The following CYBB variants were observed in gnomAD, a reference collection of about 807,000 sequenced individuals.
CYBB encodes NADPH oxidase 2.
CYBB carries 5 observed loss-of-function variants against 46.5 expected under a neutral mutation model. That is an observed-to-expected ratio of 0.11 (90% CI 0.06 to 0.23). CYBB has a LOEUF of 0.23. CYBB is among the 10% of genes least tolerant of loss of function. CYBB has a pLI of 1.00. For missense variants in CYBB, 307 were observed against 428.3 expected, an observed-to-expected ratio of 0.72 and a Z score of 2.50; for synonymous variants, 183 against 156.7, an observed-to-expected ratio of 1.17 and a Z score of -1.26.
intron 11 of CYBB, among the ~76,000 whole-genome samples, chrX:37,807,483 T>G (rs1556472086): frequency 1.8e-5 from 2 of 110,352 alleles, no homozygotes; most frequent in African/African-American, 6.6e-5. Flanking sequence ...TTCTTATGTA[T>G]CTAGTCACAT....
intron 9 of CYBB, 58 bp from the exon 10 acceptor site, chrX:37,804,948 C>A (rs942949895): frequency 6.3e-6 from 7 of 1,105,199 alleles, no homozygotes; most frequent in Non-Finnish European, 8.7e-6. Context: ...ATGGGTGCCC[C>A]ATCTCACTCT....
At chrX:37,783,424 G>A in intron 2 of CYBB, 66 bp from the exon 3 acceptor site, 1 of 707,566 alleles carries the variant, frequency 1.4e-6, no homozygotes, top group Non-Finnish European at 2.3e-6. Flanking sequence ...GAACCTTGGG[G>A]AAGTGGGGAC....
In CYBB at chrX:37,812,795, T is replaced by C. The variant is rs1302865275; in HGVS notation, c.*1878T>C. ...TTCTGAAATGTACCAGGATGGTTTC[T>C]GCTTAGAGACACTTAGGTCCAGCCT... On this transcript the variant is annotated 3_prime_UTR_variant, in exon 13 of 13. Coordinates refer to ENST00000378588, the MANE Select transcript of CYBB (RefSeq NM_000397.4). 8.9e-6 allele frequency: 1 copy of C among 112,207 alleles called. No individual in the cohort carries two copies. Among genetic ancestry groups the C allele is most frequent in the Non-Finnish European group, 1.9e-5 (1 of 53,239 alleles). The allele number at this position is 112,207 out of a possible 1,213,427, so 9.2% of individuals were successfully genotyped here. A position where few individuals can be genotyped will look rare whatever the true frequency, so the allele number is the denominator to read the frequency against.
intron 11 of CYBB, among the ~76,000 whole-genome samples, chrX:37,809,056 A>T (rs886698277): frequency 3.5e-5 from 4 of 112,715 alleles, no homozygotes; most frequent in Non-Finnish European, 7.5e-5. Context: ...GTGCACACAC[A>T]CACATACACA....
At position 37,810,855 on chromosome X, in the gene CYBB, A is replaced by G; in HGVS notation, c.1651A>G (p.Ile551Val). Reference sequence around the variant, plus strand: ...GGCTGAAACCCTGAGTAAACAAAGCATCTCCAACTCTGAGTCTGGCCCTCG... The same window carrying G: ...GGCTGAAACCCTGAGTAAACAAAGCGTCTCCAACTCTGAGTCTGGCCCTCG... Reference protein sequence around the residue: ...ALAETLSKQSISNSESGPRGV... With the variant: ...ALAETLSKQSVSNSESGPRGV... The change falls in exon 13 of 13, where the codon ATC (isoleucine) becomes GTC (valine). Residue 551 changes from isoleucine (I) to valine (V), a missense_variant. Physicochemically the swap from Ile to Val is conservative, Grantham distance 29 (BLOSUM62 3). Around this residue, in one of 3 missense-constraint regions of CYBB, gnomAD observed 122 missense variants for 208.3 expected, o/e 0.59. Transcript: ENST00000378588. The G allele has an allele frequency of 8.3e-7, 1 of 1,206,836 alleles. No individual in the cohort carries two copies. The highest frequency in any genetic ancestry group is 1.8e-5 in the South Asian group (1 of 56,899).
chrX:37,780,324 T>C (rs1556464176), intron 1 of CYBB, among the ~76,000 whole-genome samples: 1 of 111,997 alleles, frequency 8.9e-6, no homozygotes, highest in Non-Finnish European at 1.9e-5. Context: ...GGCTCACTTC[T>C]AGCTTACTTC....
Position 37,793,794 on chromosome X carries a change from C to T in CYBB, c.467C>T (p.Ala156Val). 8.3e-7 allele frequency: 1 copy of T among 1,206,438 alleles called. No individual in the cohort carries two copies. Among genetic ancestry groups the T allele is most frequent in the Non-Finnish European group, 1.1e-6 (1 of 892,793 alleles). Residue 156 changes from alanine (A) to valine (V), a missense_variant, in exon 5 of 13, where the codon GCT becomes GTT. Physicochemically the swap from Ala to Val is moderately conservative, Grantham distance 64. This residue lies in a region of CYBB where 103 missense variants were observed against 150.2 expected (regional missense o/e 0.69). Coordinates refer to ENST00000378588, the MANE Select transcript of CYBB (RefSeq NM_000397.4). ...CAAAATGAAAGTTATCTCAATTTTG[C>T]TCGAAAGAGAATAAAGGTAAGCCTC... Reference protein sequence around the residue: ...DRQNESYLNFARKRIKNPEGG... With the variant: ...DRQNESYLNFVRKRIKNPEGG...
At chrX:37,800,639 T>C (rs1556469648) in intron 7 of CYBB, among the ~76,000 whole-genome samples, 1 of 111,575 alleles carries the variant, frequency 9.0e-6, no homozygotes, top group East Asian at 2.8e-4. Context: ...ATATGGCCAA[T>C]AATGCTACAG....
rs1556468329 is a variant in CYBB at position 37,795,986 on chromosome X, G to T, written c.519G>T (p.Leu173=). The change falls in exon 6 of 13, where the codon CTG becomes CTT. Residue 173 remains leucine (L), a synonymous_variant. Coordinates refer to ENST00000378588, the MANE Select transcript of CYBB (RefSeq NM_000397.4). ...GAGGCCTGTACCTGGCTGTGACCCTGTTGGCAGGCATCACTGGAGTTGTCA... is the reference window on the plus strand; with the variant it reads ...GAGGCCTGTACCTGGCTGTGACCCTTTTGGCAGGCATCACTGGAGTTGTCA... ...PEGGLYLAVT[L]LAGITGVVIT... The T allele has an allele frequency of 8.3e-7, 1 of 1,208,101 alleles. No individual in the cohort carries two copies. The highest frequency in any genetic ancestry group is 2.2e-5 in the Admixed American group (1 of 45,818).
intron 1 of CYBB, among the ~76,000 whole-genome samples, chrX:37,781,612 G>C (rs1373319625): frequency 1.8e-5 from 2 of 111,985 alleles, no homozygotes; most frequent in African/African-American, 3.3e-5. Context: ...AAAATGGAAG[G>C]CTTGGCATTT....
In CYBB at chrX:37,810,992, T is replaced by G; in HGVS notation, c.*75T>G. ...AAATAATGCTAATTGATAATATAAATACCCCCTGCTTAAAAATGGACAAAA... is the reference window on the plus strand; with the variant it reads ...AAATAATGCTAATTGATAATATAAAGACCCCCTGCTTAAAAATGGACAAAA... On this transcript the variant is annotated 3_prime_UTR_variant, in exon 13 of 13. Coordinates refer to ENST00000378588, the MANE Select transcript of CYBB (RefSeq NM_000397.4). 1.1e-6 allele frequency: 1 copy of G among 945,026 alleles called. No individual in the cohort carries two copies. Among genetic ancestry groups the G allele is most frequent in the Non-Finnish European group, 1.5e-6 (1 of 669,122 alleles). The allele number at this position is 945,026 out of a possible 1,213,427, so 77.9% of individuals were successfully genotyped here.
intron 8 of CYBB, among the ~76,000 whole-genome samples, chrX:37,803,054 G>A: frequency 8.9e-6 from 1 of 111,876 alleles, no homozygotes; most frequent in Non-Finnish European, 1.9e-5. Context: ...GACAGATGAG[G>A]ATGGCAATGG....
intron 8 of CYBB, among the ~76,000 whole-genome samples, chrX:37,801,994 A>T (rs1045911548): frequency 8.9e-6 from 1 of 111,743 alleles, no homozygotes; most frequent in Non-Finnish European, 1.9e-5. Flanking sequence ...TAAATATCCA[A>T]CTAAATAAAT....
At chrX:37,801,204 G>A in intron 7 of CYBB, 52 bp from the exon 8 acceptor site, 1 of 875,150 alleles carries the variant, frequency 1.1e-6, no homozygotes, top group Non-Finnish European at 1.7e-6. Context: ...TGAATATTTT[G>A]TTATCTATTA....
intron 3 of CYBB, among the ~76,000 whole-genome samples, chrX:37,784,251 A>G (rs1929012607): frequency 8.9e-6 from 1 of 112,301 alleles, no homozygotes. Flanking sequence ...AAGATGACAA[A>G]CAAGGAACTT....
chrX:37,794,619 A>G (rs1424512730), intron 5 of CYBB, among the ~76,000 whole-genome samples: 1 of 111,438 alleles, frequency 9.0e-6, no homozygotes, highest in African/African-American at 3.3e-5. Context: ...GCCTGTGTCT[A>G]CAGATTGTCA....
chrX:37,803,915 G>A lies in CYBB; in HGVS notation c.936G>A (p.Met312Ile), dbSNP rs1175659583. The change falls in exon 9 of 13, where the codon ATG becomes ATA. Residue 312 changes from methionine to isoleucine, a missense_variant. This residue lies in a region of CYBB where 122 missense variants were observed against 208.3 expected (regional missense o/e 0.59). Transcript: ENST00000378588. ...CTTTCAAAACCATCGAGCTACAGAT[G>A]AAGAAGAAGGGGTTCAAAATGGAAG... ...THPFKTIELQ[M>I]KKKGFKMEVG... 7.4e-6 allele frequency: 9 copies of A among 1,208,682 alleles called. No homozygotes were observed. The highest frequency in any genetic ancestry group is 8.9e-6 in the Non-Finnish European group (8 of 894,108).
intron 3 of CYBB, among the ~76,000 whole-genome samples, chrX:37,789,226 T>C (rs782548015): frequency 2.1e-4 from 23 of 111,527 alleles, no homozygotes; most frequent in Admixed American, 1.8e-3. Context: ...GTTCATGTGA[T>C]TGGGTTTGTT....
At chrX:37,792,210 ACACTTTCTGC>A in intron 4 of CYBB, 151 bp downstream of exon 4, 1 of 467,123 alleles carries the variant, frequency 2.1e-6, no homozygotes, top group Non-Finnish European at 3.8e-6. Flanking sequence ...AGTATTTACC[ACACTTTCTGC>A]CACTTCAATA....
Sources: allele counts gnomAD v4.1 joint callset (sites outside exome capture counted in the v4.1 genomes callset), GRCh38; gene constraint gnomAD v4.1.1; regional missense constraint gnomAD v4.1.1; transcripts MANE v1.5; gene names NCBI Gene and HGNC (gene_info 2026-07-23, HGNC 2026-07-21).